EFHC1: variants seen among roughly 807,000 people sequenced by gnomAD.
EFHC1 encodes the protein EF-hand domain-containing protein 1.
Under a neutral mutation model 69.9 loss-of-function variants are expected in EFHC1, and 53 were observed. That is an observed-to-expected ratio of 0.76 (90% CI 0.61 to 0.95). The LOEUF (loss-of-function observed/expected upper bound fraction) is 0.95, where lower values mean the gene tolerates loss of function less well. EFHC1 is among the 40% of genes least tolerant of loss of function. EFHC1 has a pLI of 0.00. For missense variants in EFHC1, 739 were observed against 798.7 expected (o/e 0.93, Z 0.90); for synonymous variants, 256 against 278.4 (o/e 0.92, Z 0.80).
At chr6:52,445,297 A>AT (rs1233686019) in intron 3 of EFHC1, among the ~76,000 whole-genome samples, 1 of 149,706 alleles carries the variant, frequency 6.7e-6, no homozygotes, top group Non-Finnish European at 1.5e-5. Flanking sequence ...TAATTAATTT[A>AT]TTTATTTTTT....
intron 2 of EFHC1, among the ~76,000 whole-genome samples, chr6:52,434,940 A>G (rs935437589): frequency 2.0e-5 from 3 of 152,010 alleles, no homozygotes; most frequent in African/African-American, 7.3e-5. Flanking sequence ...ATATATGTGT[A>G]TCTCCTTGCC....
intron 7 of EFHC1, among the ~76,000 whole-genome samples, chr6:52,476,866 A>C (rs1363760427): frequency 1.3e-5 from 2 of 152,142 alleles, no homozygotes; most frequent in Non-Finnish European, 2.9e-5. Flanking sequence ...AACAGGGTGA[A>C]ATTTGAATAA....
At chr6:52,484,213 C>T (rs1240342822) in intron 9 of EFHC1, 3 of 152,182 alleles carry the variant, frequency 2.0e-5, no homozygotes, top group South Asian at 4.2e-4. Flanking sequence ...CAACTATTCA[C>T]CTAGGGCAGT....
chr6:52,493,853 G>A lies in EFHC1; in HGVS notation c.*1512G>A, dbSNP rs138385203. On this transcript the variant is annotated 3_prime_UTR_variant, in exon 11 of 11. Coordinates refer to ENST00000371068, the MANE Select transcript of EFHC1 (RefSeq NM_018100.4). ...ATTCCCCGAAGCCACCCAAAATGTGGTATGAATGAGGATAGAGTTACACAG... is the reference window on the plus strand; with the variant it reads ...ATTCCCCGAAGCCACCCAAAATGTGATATGAATGAGGATAGAGTTACACAG... 299 of 454,066 alleles carry A rather than the reference G, an allele frequency of 6.6e-4. No individual in the cohort carries two copies. Among genetic ancestry groups the A allele is most frequent in the Non-Finnish European group, 1.1e-3 (259 of 226,790 alleles). The allele number at this position is 454,066 out of a possible 1,614,324, so 28.1% of individuals were successfully genotyped here. A position where few individuals can be genotyped will look rare whatever the true frequency, so the allele number is the denominator to read the frequency against.
At position 52,438,419 on chromosome 6, in the gene EFHC1, T is replaced by C. The variant is rs376050123; in HGVS notation, c.401T>C (p.Ile134Thr). Reference sequence around the variant, plus strand: ...CTAGAAGATGACAGCATGTCTGTCATAGAGCCTGTTGTAGAAAATTCTGGA... The same window carrying C: ...CTAGAAGATGACAGCATGTCTGTCACAGAGCCTGTTGTAGAAAATTCTGGA... Reference protein sequence around the residue: ...YYLEDDSMSVIEPVVENSGIL... With the variant: ...YYLEDDSMSVTEPVVENSGIL... The change falls in exon 3 of 11, where the codon ATA (isoleucine) becomes ACA (threonine). Residue 134 changes from isoleucine (I) to threonine (T), a missense_variant. Ile to Thr is a moderately conservative substitution (Grantham distance 89). Transcript: ENST00000371068. The C allele has an allele frequency of 1.1e-5, 17 of 1,613,956 alleles. No homozygotes were observed. Among genetic ancestry groups the C allele is most frequent in the Middle Eastern group, 1.6e-4 (1 of 6,082 alleles).
chr6:52,460,242 C>T (rs1031787196), intron 5 of EFHC1, among the ~76,000 whole-genome samples: 2 of 152,098 alleles, frequency 1.3e-5, no homozygotes, highest in African/African-American at 2.4e-5. Context: ...ATGAATGAAT[C>T]TCAAAGTAAC....
chr6:52,422,149 GAC>G (rs930894175), intron 1 of EFHC1, among the ~76,000 whole-genome samples: 3 of 152,162 alleles, frequency 2.0e-5, no homozygotes, highest in Non-Finnish European at 2.9e-5. Context: ...TTTAAAAAAA[GAC>G]ACACAGAAGG....
At chr6:52,435,389 C>T (rs1164412470) in intron 2 of EFHC1, among the ~76,000 whole-genome samples, 1 of 152,174 alleles carries the variant, frequency 6.6e-6, no homozygotes, top group Non-Finnish European at 1.5e-5. Context: ...TAAACCCAGT[C>T]CTGCAGTATA....
At chr6:52,433,481 T>G (rs1764460079) in intron 2 of EFHC1, among the ~76,000 whole-genome samples, 1 of 152,202 alleles carries the variant, frequency 6.6e-6, no homozygotes, top group Non-Finnish European at 1.5e-5. Flanking sequence ...TCTGCCAGGC[T>G]CCAGGCTGGT....
chr6:52,470,100 A>G (rs1251408259), intron 7 of EFHC1, among the ~76,000 whole-genome samples: 1 of 152,176 alleles, frequency 6.6e-6, no homozygotes, highest in Non-Finnish European at 1.5e-5. Context: ...AGAAGTTGAA[A>G]TAAGTTATAT....
chr6:52,465,253 A>G, intron 6 of EFHC1, 138 bp downstream of exon 6: 2 of 759,832 alleles, frequency 2.6e-6, no homozygotes, highest in African/African-American at 3.5e-5. Flanking sequence ...AAAAGAAGAA[A>G]TACAAATGAC....
chr6:52,485,402 T>C (rs971703047), intron 9 of EFHC1: 2 of 152,146 alleles, frequency 1.3e-5, no homozygotes, highest in Non-Finnish European at 2.9e-5. Context: ...TAGAATATGA[T>C]ATCAATAAAA....
intron 5 of EFHC1, among the ~76,000 whole-genome samples, chr6:52,456,231 A>G (rs1275329757): frequency 6.6e-6 from 1 of 152,228 alleles, no homozygotes; most frequent in Admixed American, 6.5e-5. Flanking sequence ...CTAGTTCAAC[A>G]TAGTTTGGCT....
intron 1 of EFHC1, among the ~76,000 whole-genome samples, chr6:52,422,507 G>T (rs1263822657): frequency 6.6e-6 from 1 of 152,136 alleles, no homozygotes; most frequent in Non-Finnish European, 1.5e-5. Flanking sequence ...AGCAAAAGAA[G>T]TTTATTCTGT....
chr6:52,480,118 A>G, intron 9 of EFHC1: 1 of 546,124 alleles, frequency 1.8e-6, no homozygotes, highest in Non-Finnish European at 3.3e-6. Flanking sequence ...CTTACTGATA[A>G]CATAAACAGT....
rs1273553871 is a variant in EFHC1, at chr6:52,495,189, C to G, written c.*2848C>G. On this transcript the variant is annotated 3_prime_UTR_variant, in exon 11 of 11. Transcript: ENST00000371068. The stretch of plus-strand genomic sequence containing the variant: ...TCTCGCCATGTTCTCACCCAGATGG[C>G]TCTCTTGGCTGTGTAATTAGGCAGC... The G allele has an allele frequency of 2.2e-6, 1 of 453,986 alleles. No individual in the cohort carries two copies. The highest frequency in any genetic ancestry group is 4.4e-6 in the Non-Finnish European group (1 of 226,786). The allele number at this position is 453,986 out of a possible 1,614,324, so 28.1% of individuals were successfully genotyped here.
In EFHC1 at chr6:52,479,147, G is replaced by A. The variant is rs772874099; in HGVS notation, c.1389G>A (p.Gly463=). 6 of 1,613,932 alleles carry A rather than the reference G, an allele frequency of 3.7e-6. No individual in the cohort carries two copies. In the Admixed American group the frequency reaches 8.3e-5, roughly 22 times the overall value. ...CTGTTCGCAATTCTGGTATCATTGG[G>A]GGCAAGTACCTTGGCAGGACTAAAG... ...EPPVRNSGII[G]GKYLGRTKVV... The change falls in exon 8 of 11, where the codon GGG becomes GGA. Residue 463 remains glycine (G), a synonymous_variant. Transcript: ENST00000371068.
intron 3 of EFHC1, among the ~76,000 whole-genome samples, chr6:52,445,272 T>G (rs957724256): frequency 6.6e-6 from 1 of 151,374 alleles, no homozygotes; most frequent in Non-Finnish European, 1.5e-5. Flanking sequence ...TGATTTTTTT[T>G]TTTGGTTTTT....
At chr6:52,452,654 G>A in intron 3 of EFHC1, 34 bp from the exon 4 acceptor site, 1 of 1,611,880 alleles carries the variant, frequency 6.2e-7, no homozygotes, top group East Asian at 2.2e-5. Flanking sequence ...AAAGCTCCAA[G>A]AAAGATGATC....
Sources: allele counts gnomAD v4.1 joint callset (sites outside exome capture counted in the v4.1 genomes callset), GRCh38; gene constraint gnomAD v4.1.1; transcripts MANE v1.5; gene names NCBI Gene and HGNC (gene_info 2026-07-23, HGNC 2026-07-21).